DLGAP2: variants seen among roughly 807,000 people sequenced by gnomAD.
The protein encoded by DLGAP2 is disks large-associated protein 2.
DLGAP2 carries 26 observed loss-of-function variants against 100.3 expected under a neutral mutation model. The observed-to-expected ratio is 0.26, with a 90% CI of 0.19 to 0.36. DLGAP2 has a LOEUF of 0.36. Among genes scored for constraint, DLGAP2 ranks in the 10% least tolerant of loss-of-function variants. DLGAP2 has a pLI of 1.00. For missense variants in DLGAP2, 1,858 were observed against 1,453.2 expected, an observed-to-expected ratio of 1.28 and a Z score of -4.53; for synonymous variants, 886 against 630.1, an observed-to-expected ratio of 1.41 and a Z score of -6.08.
At position 771,525 on chromosome 8, in the gene DLGAP2, G is replaced by A. The variant is rs73673015; in HGVS notation, c.18+33700G>A. On this transcript the variant is annotated intron_variant, in intron 1 of 14. Coordinates refer to ENST00000637795, the MANE Select transcript of DLGAP2 (RefSeq NM_001346810.2). Reference sequence around the variant, plus strand: ...GTCACTAAGTACTTGCTACTTAATTGTTTCACACCCAAAATTTGTGGATTG... The same window carrying A: ...GTCACTAAGTACTTGCTACTTAATTATTTCACACCCAAAATTTGTGGATTG... Among the ~76,000 whole-genome samples the A allele has an allele frequency of 8.4e-3, 1,279 of 152,292 alleles. 20 individuals carry two copies. Among genetic ancestry groups the A allele is most frequent in the African/African-American group, 0.029 (1,211 of 41,572 alleles).
intron 3 of DLGAP2, among the ~76,000 whole-genome samples, chr8:1,410,575 C>T (rs1046025058): frequency 2.0e-5 from 3 of 152,228 alleles, no homozygotes; most frequent in African/African-American, 7.2e-5. Flanking sequence ...AGCATCAAGT[C>T]AGCTCCCTTC....
rs988516534 is a variant in DLGAP2, at chr8:791,478, C to T, written c.18+53653C>T. On this transcript the variant is annotated intron_variant, in intron 1 of 14. Coordinates refer to ENST00000637795, the MANE Select transcript of DLGAP2 (RefSeq NM_001346810.2). ...TTCTTTTCACCCTTCAAATTCCTATCCTCCCCACTTGTAACTGGATCTAAT... is the reference window on the plus strand; with the variant it reads ...TTCTTTTCACCCTTCAAATTCCTATTCTCCCCACTTGTAACTGGATCTAAT... Among the ~76,000 whole-genome samples the T allele has an allele frequency of 4.7e-4, 72 of 152,220 alleles. 1 individual carries two copies. Among genetic ancestry groups the T allele is most frequent in the Admixed American group, 4.6e-4 (7 of 15,278 alleles).
intron 6 of DLGAP2, among the ~76,000 whole-genome samples, chr8:1,574,831 C>A (rs1405657852): frequency 6.6e-6 from 1 of 152,192 alleles, no homozygotes; most frequent in African/African-American, 2.4e-5. Context: ...ATACGTGTGA[C>A]AGGCATCTCA....
In DLGAP2 at chr8:1,167,599, T is replaced by C. The variant is rs113035899; in HGVS notation, c.74-91252T>C. 1.8e-3 allele frequency among the ~76,000 whole-genome samples: 268 copies of C among 152,340 alleles called. 2 individuals carry two copies. The highest frequency in any genetic ancestry group is 6.1e-3 in the African/African-American group (255 of 41,580). On this transcript the variant is annotated intron_variant, in intron 2 of 14. Coordinates refer to ENST00000637795, the MANE Select transcript of DLGAP2 (RefSeq NM_001346810.2). ...TAAGTGGCCCACATTGAGGTAATAC[T>C]TAAAATTATATTGCACATAATTTAA... is the stretch of plus-strand genomic sequence containing the variant.
rs546424560 is a variant in DLGAP2 at position 858,625 on chromosome 8, G to A, written c.19-49287G>A. ...TGGGCACGTGTGTGATGCTGTCACC[G>A]TGGGCACGTGTGTGATGCTGTCACC... On this transcript the variant is annotated intron_variant, in intron 1 of 14. Transcript: ENST00000637795. 9.3e-5 allele frequency among the ~76,000 whole-genome samples: 14 copies of A among 149,770 alleles called. No homozygotes were observed. In the East Asian group the frequency reaches 1.4e-3, roughly 15 times the overall value.
chr8:1,499,759 C>G (rs1473099852), intron 3 of DLGAP2, among the ~76,000 whole-genome samples: 5 of 152,172 alleles, frequency 3.3e-5, no homozygotes, highest in African/African-American at 4.8e-5. Context: ...GAAATGAACT[C>G]TTAGTTCACA....
intron 2 of DLGAP2, among the ~76,000 whole-genome samples, chr8:945,460 A>T (rs955034930): frequency 6.6e-6 from 1 of 152,152 alleles, no homozygotes; most frequent in Middle Eastern, 3.2e-3. Flanking sequence ...AAATTTTCCT[A>T]GTTTACTAGC....
At chr8:1,376,609 G>A (rs966069369) in intron 3 of DLGAP2, among the ~76,000 whole-genome samples, 5 of 152,102 alleles carry the variant, frequency 3.3e-5, no homozygotes, top group East Asian at 3.9e-4. Flanking sequence ...GTGGGGAGCC[G>A]GGTGACAGGG....
At chr8:1,033,128 CCT>C (rs1802020069) in intron 2 of DLGAP2, among the ~76,000 whole-genome samples, 1 of 152,096 alleles carries the variant, frequency 6.6e-6, no homozygotes, top group Non-Finnish European at 1.5e-5. Flanking sequence ...TCCCCCCATC[CCT>C]CTCTGTCTCA....
intron 1 of DLGAP2, among the ~76,000 whole-genome samples, chr8:889,195 A>G (rs1797984579): frequency 6.6e-6 from 1 of 152,170 alleles, no homozygotes; most frequent in South Asian, 2.1e-4. Context: ...TTGTGGTGAA[A>G]TGTCATCAGT....
At chr8:1,319,350 G>T (rs1800842189) in intron 3 of DLGAP2, among the ~76,000 whole-genome samples, 1 of 152,226 alleles carries the variant, frequency 6.6e-6, no homozygotes, top group Admixed American at 6.5e-5. Context: ...CCAGATCAGA[G>T]GTTCATGCAG....
At chr8:1,319,396 G>A (rs930942129) in intron 3 of DLGAP2, among the ~76,000 whole-genome samples, 9 of 152,302 alleles carry the variant, frequency 5.9e-5, no homozygotes, top group African/African-American at 2.2e-4. Context: ...AAACCTCCTG[G>A]CAGGATTCTA....
intron 2 of DLGAP2, among the ~76,000 whole-genome samples, chr8:1,221,811 T>C (rs1798320084): frequency 6.6e-6 from 1 of 152,226 alleles, no homozygotes; most frequent in African/African-American, 2.4e-5. Flanking sequence ...CTTTTCTTCC[T>C]TTATTTTTGT....
At chr8:1,577,879 C>T (rs765845986) in intron 6 of DLGAP2, among the ~76,000 whole-genome samples, 10 of 152,210 alleles carry the variant, frequency 6.6e-5, no homozygotes, top group Non-Finnish European at 1.3e-4. Flanking sequence ...TCCTGAGCCC[C>T]GCCCGGTGCC....
In DLGAP2 at chr8:1,666,988, G is replaced by T. The variant is rs528767140; in HGVS notation, c.1811-1341G>T. Among the ~76,000 whole-genome samples the T allele has an allele frequency of 1.3e-4, 20 of 152,296 alleles. No individual in the cohort carries two copies. The South Asian group carries it at 3.1e-3, about 24-fold the overall frequency. On this transcript the variant is annotated intron_variant, in intron 8 of 14. Transcript: ENST00000637795. The stretch of plus-strand genomic sequence containing the variant: ...TGCTCGGTCTGTCCTCACAGACGGC[G>T]CTCAGACCCCTCCAGGAGACGCCCA...
chr8:919,668 C>T (rs1216216897), intron 2 of DLGAP2, among the ~76,000 whole-genome samples: 1 of 152,190 alleles, frequency 6.6e-6, no homozygotes, highest in Non-Finnish European at 1.5e-5. Flanking sequence ...AGCAGCAAGT[C>T]CCTGGAGGAA....
intron 3 of DLGAP2, among the ~76,000 whole-genome samples, chr8:1,422,586 T>C (rs1026279267): frequency 2.4e-5 from 3 of 123,762 alleles, no homozygotes; most frequent in Non-Finnish European, 5.1e-5. Context: ...AAGGTGTGGG[T>C]GGAACAGACA....
intron 3 of DLGAP2, among the ~76,000 whole-genome samples, chr8:1,466,316 A>G (rs951904776): frequency 6.6e-6 from 1 of 152,106 alleles, no homozygotes; most frequent in Admixed American, 6.5e-5. Context: ...CAAGCAGAGC[A>G]GTGATGAGGC....
chr8:1,192,179 T>C (rs1797654455), intron 2 of DLGAP2, among the ~76,000 whole-genome samples: 2 of 152,212 alleles, frequency 1.3e-5, no homozygotes, highest in Admixed American at 1.3e-4. Flanking sequence ...TGGGTGGGGC[T>C]GTCCAGATGC....
Sources: gnomAD v4.1 joint callset for allele counts (sites outside exome capture counted in the v4.1 genomes callset) on GRCh38, gnomAD v4.1.1 for gene constraint, MANE v1.5 for transcripts, NCBI Gene and HGNC (gene_info 2026-07-23, HGNC 2026-07-21) for gene names.